Variants in SLC9A9 observed in about 807,000 individuals in gnomAD.
SLC9A9 encodes solute carrier family 9 member A9.
SLC9A9 carries 62 observed loss-of-function variants against 77.8 expected under a neutral mutation model. That is an observed-to-expected ratio of 0.80 (90% confidence interval 0.65 to 0.98). The LOEUF is 0.98. Ranked by LOEUF, SLC9A9 falls within the 50% of genes least tolerant of loss-of-function variation. SLC9A9 has a pLI of 0.00. For missense variants in SLC9A9, 775 were observed against 774.9 expected (o/e 1.00, Z 0.00); for synonymous variants, 320 against 283.5 (o/e 1.13, Z -1.29).
chr3:143,696,676 C>G (rs527570073), intron 4 of SLC9A9, among the ~76,000 whole-genome samples: 3 of 152,248 alleles, frequency 2.0e-5, no homozygotes, highest in Non-Finnish European at 4.4e-5. Flanking sequence ...TGTGATCTGT[C>G]ACTATAGTTC....
rs192976838 is a variant in SLC9A9, at chr3:143,800,051, G to A, written c.379-3148C>T. 1.9e-3 allele frequency among the ~76,000 whole-genome samples: 282 copies of A among 152,148 alleles called. 1 individual carries two copies. The highest frequency in any genetic ancestry group is 3.2e-3 in the Non-Finnish European group (220 of 68,012). On this transcript the variant is annotated intron_variant, in intron 2 of 15. Transcript: ENST00000316549. ...ACCTGCCCAGCTCCCTTATTAAGTC[G>A]AGACATTTTAACTAAATTATCTGCT...
At position 143,467,155 on chromosome 3, in the gene SLC9A9, G is replaced by A. The variant is rs752878648; in HGVS notation, c.1351C>T (p.Arg451Trp). 3.7e-6 allele frequency: 6 copies of A among 1,614,182 alleles called. No individual in the cohort carries two copies. The highest frequency in any genetic ancestry group is 1.3e-5 in the African/African-American group (1 of 75,058). ...TGTTTGGGCTGAGATTCTGTGTTCC[G>A]AATAGCTAAGGCAAATGCGATCGCT... ...RGAIAFALAI[R>W]NTESQPKQMM... The change falls in exon 12 of 16, where the codon CGG becomes TGG. Residue 451 changes from arginine to tryptophan, a missense_variant. Arg to Trp is a moderately radical substitution (Grantham distance 101). Transcript: ENST00000316549.
chr3:143,818,847 C>T (rs1475252318), intron 2 of SLC9A9, among the ~76,000 whole-genome samples: 2 of 151,868 alleles, frequency 1.3e-5, no homozygotes, highest in Admixed American at 6.6e-5. Context: ...TTTGGGAGGC[C>T]GAGGTGGGTG....
intron 4 of SLC9A9, among the ~76,000 whole-genome samples, chr3:143,768,266 G>A (rs1157284756): frequency 3.3e-5 from 5 of 152,118 alleles, no homozygotes; most frequent in Non-Finnish European, 7.4e-5. Context: ...GTGATAATAA[G>A]TAATCAAAAG....
At chr3:143,725,037 C>T (rs1004706465) in intron 4 of SLC9A9, among the ~76,000 whole-genome samples, 1 of 152,182 alleles carries the variant, frequency 6.6e-6, no homozygotes, top group Non-Finnish European at 1.5e-5. Flanking sequence ...CCCCCCACTG[C>T]CTGGGCCCCT....
intron 12 of SLC9A9, among the ~76,000 whole-genome samples, chr3:143,413,059 G>A (rs370322303): frequency 6.6e-6 from 1 of 152,228 alleles, no homozygotes; most frequent in South Asian, 2.1e-4. Flanking sequence ...TCCTACAGGA[G>A]GAACTTCTAA....
chr3:143,644,391 G>A (rs1396382472), intron 6 of SLC9A9, among the ~76,000 whole-genome samples: 2 of 152,226 alleles, frequency 1.3e-5, no homozygotes, highest in Non-Finnish European at 2.9e-5. Flanking sequence ...GAGTTCTGGA[G>A]ACGCTGCCAG....
At chr3:143,569,564 C>G (rs191170673) in intron 8 of SLC9A9, among the ~76,000 whole-genome samples, 1 of 152,162 alleles carries the variant, frequency 6.6e-6, no homozygotes, top group Non-Finnish European at 1.5e-5. Flanking sequence ...TTAAGAAACA[C>G]TTGGGTTTTC....
rs377730862 is a variant in SLC9A9, at chr3:143,268,862, G to A, written c.1710+13C>T. 250 of 1,599,720 alleles carry A rather than the reference G, an allele frequency of 1.6e-4. No individual in the cohort carries two copies. The African/African-American group carries it at 3.0e-3, about 19-fold the overall frequency. ...GGATATTCCCTCACCCTAGAGGCCT[G>A]AGATTTACTTACCCCATAGGCTTGA... On this transcript the variant is annotated intron_variant, in intron 15 of 15. Transcript: ENST00000316549.
intron 6 of SLC9A9, among the ~76,000 whole-genome samples, chr3:143,642,295 T>A (rs2108739678): frequency 6.6e-6 from 1 of 152,322 alleles, no homozygotes; most frequent in Admixed American, 6.5e-5. Flanking sequence ...ATCTCTCCTC[T>A]CTGGTTGCTT....
At chr3:143,523,682 G>A (rs2036356654) in intron 9 of SLC9A9, among the ~76,000 whole-genome samples, 1 of 152,092 alleles carries the variant, frequency 6.6e-6, no homozygotes, top group South Asian at 2.1e-4. Flanking sequence ...TGGCAAACAT[G>A]AAAGGATCGA....
At chr3:143,285,699 C>T (rs1938363116) in intron 14 of SLC9A9, among the ~76,000 whole-genome samples, 1 of 152,178 alleles carries the variant, frequency 6.6e-6, no homozygotes, top group African/African-American at 2.4e-5. Context: ...AGCTCAGTGG[C>T]ATGATTCATG....
At chr3:143,758,756 G>T (rs1455727798) in intron 4 of SLC9A9, among the ~76,000 whole-genome samples, 1 of 152,024 alleles carries the variant, frequency 6.6e-6, no homozygotes, top group African/African-American at 2.4e-5. Flanking sequence ...TGAGGGGAAC[G>T]TGAGGGAGAA....
At chr3:143,671,207 A>G (rs2039149174) in intron 5 of SLC9A9, among the ~76,000 whole-genome samples, 1 of 152,176 alleles carries the variant, frequency 6.6e-6, no homozygotes, top group Non-Finnish European at 1.5e-5. Flanking sequence ...TGGAGCTTTT[A>G]ATTTGCTGCC....
rs561297003 is a variant in SLC9A9, at chr3:143,582,777, T to A, written c.756-4054A>T. Among the ~76,000 whole-genome samples, 6 of 152,124 alleles carry A rather than the reference T, an allele frequency of 3.9e-5. No homozygotes were observed. The South Asian group carries it at 1.2e-3, about 32-fold the overall frequency. The stretch of plus-strand genomic sequence containing the variant: ...AATAGGTCAGGAGACTCAGCTTGAG[T>A]TGCATCTCTTCAAGTTTAGTGGAGG... On this transcript the variant is annotated intron_variant, in intron 6 of 15. Transcript: ENST00000316549.
At chr3:143,342,636 T>C (rs906636078) in intron 14 of SLC9A9, among the ~76,000 whole-genome samples, 3 of 152,206 alleles carry the variant, frequency 2.0e-5, no homozygotes, top group African/African-American at 7.2e-5. Flanking sequence ...ATAGCCAGAT[T>C]TGTCAAGATT....
At chr3:143,697,448 A>G (rs552777949) in intron 4 of SLC9A9, among the ~76,000 whole-genome samples, 1 of 152,276 alleles carries the variant, frequency 6.6e-6, no homozygotes, top group Non-Finnish European at 1.5e-5. Flanking sequence ...GCTATTATGG[A>G]CACAATAGTT....
chr3:143,499,762 T>A (rs1322454338), intron 9 of SLC9A9, among the ~76,000 whole-genome samples: 1 of 152,164 alleles, frequency 6.6e-6, no homozygotes, highest in African/African-American at 2.4e-5. Flanking sequence ...CTGAACAGAT[T>A]AAAGAAGTTC....
intron 12 of SLC9A9, among the ~76,000 whole-genome samples, chr3:143,431,239 C>T (rs1706973706): frequency 6.6e-6 from 1 of 152,134 alleles, no homozygotes; most frequent in Non-Finnish European, 1.5e-5. Flanking sequence ...GGGAAGCCTT[C>T]CCTGGAAGAA....
Sources: gnomAD v4.1 joint callset for allele counts (sites outside exome capture counted in the v4.1 genomes callset) on GRCh38, gnomAD v4.1.1 for gene constraint, MANE v1.5 for transcripts, NCBI Gene and HGNC (gene_info 2026-07-23, HGNC 2026-07-21) for gene names.